TTC7B: variants seen among roughly 807,000 people sequenced by gnomAD.
TTC7B encodes the protein tetratricopeptide repeat protein 7B.
In TTC7B, 28 loss-of-function variants were observed where a neutral mutation model predicts 106.8. That is an observed-to-expected ratio of 0.26 (90% confidence interval 0.19 to 0.36). TTC7B has a LOEUF of 0.36. Among genes scored for constraint, TTC7B ranks in the 10% least tolerant of loss-of-function variants. The pLI is 1.00. For missense variants in TTC7B, 862 were observed against 1,076.4 expected, an observed-to-expected ratio of 0.80 and a Z score of 2.79; for synonymous variants, 405 against 430.6, an observed-to-expected ratio of 0.94 and a Z score of 0.74.
intron 5 of TTC7B, among the ~76,000 whole-genome samples, chr14:90,705,439 G>A (rs1418723244): frequency 1.3e-5 from 2 of 152,144 alleles, no homozygotes; most frequent in African/African-American, 2.4e-5. Flanking sequence ...GAGGGGCTGA[G>A]CCAGGACCTG....
intron 19 of TTC7B, among the ~76,000 whole-genome samples, chr14:90,565,591 G>A (rs1047383784): frequency 6.6e-6 from 1 of 151,854 alleles, no homozygotes; most frequent in African/African-American, 2.4e-5. Flanking sequence ...TAGTAGAGAT[G>A]GGGTTTCACT....
intron 19 of TTC7B, among the ~76,000 whole-genome samples, chr14:90,574,160 G>A (rs1382637140): frequency 6.6e-6 from 1 of 152,198 alleles, no homozygotes; most frequent in Non-Finnish European, 1.5e-5. Context: ...TGGAATAACT[G>A]CTTTGGAAAA....
At chr14:90,760,370 C>A (rs552229616) in intron 3 of TTC7B, among the ~76,000 whole-genome samples, 2 of 152,140 alleles carry the variant, frequency 1.3e-5, no homozygotes, top group African/African-American at 4.8e-5. Flanking sequence ...GCATGCCATA[C>A]CTAGACCTGC....
chr14:90,630,408 G>A (rs1013380075), intron 15 of TTC7B, among the ~76,000 whole-genome samples: 12 of 152,270 alleles, frequency 7.9e-5, no homozygotes, highest in East Asian at 1.9e-4. Flanking sequence ...TGTCATCTAC[G>A]AATGCTGGAA....
In TTC7B at chr14:90,663,277, A is replaced by G. The variant is rs1174713227; in HGVS notation, c.1153-4890T>C. Reference sequence around the variant, plus strand: ...GCTGGGAGTGAAGCGGTCTGCTTCCAGAGACTGAGCTCTTCACCACAACAC... The same window carrying G: ...GCTGGGAGTGAAGCGGTCTGCTTCCGGAGACTGAGCTCTTCACCACAACAC... On this transcript the variant is annotated intron_variant, in intron 9 of 19. Transcript: ENST00000328459. The surrounding 1 kb of genome is among the most constrained non-coding windows in gnomAD (Gnocchi z 4.5). 6.6e-6 allele frequency among the ~76,000 whole-genome samples: 1 copy of G among 152,192 alleles called. No individual in the cohort carries two copies. The highest frequency in any genetic ancestry group is 1.9e-4 in the East Asian group (1 of 5,196).
intron 19 of TTC7B, among the ~76,000 whole-genome samples, chr14:90,560,882 C>T (rs751608574): frequency 1.3e-4 from 20 of 152,286 alleles, no homozygotes; most frequent in Non-Finnish European, 2.1e-4. Flanking sequence ...GATTTGTCAC[C>T]TTTGTGTAAT....
intron 2 of TTC7B, among the ~76,000 whole-genome samples, chr14:90,784,978 A>C (rs1891338094): frequency 6.6e-6 from 1 of 152,186 alleles, no homozygotes; most frequent in Admixed American, 6.5e-5. Flanking sequence ...AAGGTTGCCC[A>C]GGCCCTCCAT....
intron 8 of TTC7B, among the ~76,000 whole-genome samples, chr14:90,678,737 A>G (rs1040807103): frequency 4.6e-5 from 7 of 152,222 alleles, no homozygotes; most frequent in Non-Finnish European, 8.8e-5. Context: ...TTCAATTAAG[A>G]AGCAGGAGAG....
intron 18 of TTC7B, among the ~76,000 whole-genome samples, chr14:90,591,142 C>T (rs1471491223): frequency 6.6e-6 from 1 of 152,138 alleles, no homozygotes; most frequent in African/African-American, 2.4e-5. Flanking sequence ...GAGTTCGAGA[C>T]CAAGCCTGGC....
chr14:90,544,990 A>G (rs1393876162), intron 19 of TTC7B, among the ~76,000 whole-genome samples: 3 of 152,148 alleles, frequency 2.0e-5, no homozygotes, highest in Non-Finnish European at 4.4e-5. Flanking sequence ...TTCTTCCTCC[A>G]AGTGGAGGGT....
chr14:90,555,962 G>C (rs541003028), intron 19 of TTC7B, among the ~76,000 whole-genome samples: 140 of 152,354 alleles, frequency 9.2e-4, no homozygotes, highest in Non-Finnish European at 1.2e-3. Flanking sequence ...GGTGCCCCGG[G>C]GTCCACATGA....
chr14:90,669,195 C>T (rs1261097276), intron 9 of TTC7B, among the ~76,000 whole-genome samples: 1 of 151,942 alleles, frequency 6.6e-6, no homozygotes, highest in African/African-American at 2.4e-5. Context: ...CTACCTCACA[C>T]CATATACAAA....
chr14:90,689,309 C>CA (rs1887372540), intron 7 of TTC7B, among the ~76,000 whole-genome samples: 1 of 152,188 alleles, frequency 6.6e-6, no homozygotes, highest in Admixed American at 6.5e-5. Context: ...AAATGGCACC[C>CA]AAGCACTGAG....
intron 7 of TTC7B, among the ~76,000 whole-genome samples, chr14:90,681,541 G>A (rs1471091124): frequency 2.6e-5 from 4 of 151,872 alleles, no homozygotes; most frequent in Non-Finnish European, 5.9e-5. Context: ...TCTTTGAAGT[G>A]CTGGCAATTT....
At chr14:90,641,141 T>A (rs561462646) in intron 15 of TTC7B, among the ~76,000 whole-genome samples, 1 of 152,324 alleles carries the variant, frequency 6.6e-6, no homozygotes, top group Admixed American at 6.5e-5. Flanking sequence ...AGTGACAAAG[T>A]GGCTGAGATG....
intron 5 of TTC7B, among the ~76,000 whole-genome samples, chr14:90,711,468 CT>C (rs1888443485): frequency 6.6e-6 from 1 of 152,220 alleles, no homozygotes; most frequent in Non-Finnish European, 1.5e-5. Flanking sequence ...GTTGCCCAGG[CT>C]GGAGTGCACT....
At chr14:90,649,352 AT>A (rs1310338178) in intron 13 of TTC7B, among the ~76,000 whole-genome samples, 1 of 149,998 alleles carries the variant, frequency 6.7e-6, no homozygotes, top group Non-Finnish European at 1.5e-5. Flanking sequence ...TCTCAAGTAG[AT>A]GCTAAAATAC....
intron 17 of TTC7B, among the ~76,000 whole-genome samples, chr14:90,609,550 T>G (rs1892794303): frequency 6.6e-6 from 1 of 152,210 alleles, no homozygotes; most frequent in African/African-American, 2.4e-5. Flanking sequence ...GACTCAGAGC[T>G]GCTCTCAGGC....
chr14:90,814,210 C>T (rs554002273), intron 1 of TTC7B, among the ~76,000 whole-genome samples: 1 of 152,170 alleles, frequency 6.6e-6, no homozygotes, highest in South Asian at 2.1e-4. Context: ...TTGGGAGCAG[C>T]CCCTGGGAAG....
Sources: gnomAD v4.1 joint callset for allele counts (sites outside exome capture counted in the v4.1 genomes callset) on GRCh38, gnomAD v4.1.1 for gene constraint, Gnocchi (gnomAD v3.1) non-coding constraint, MANE v1.5 for transcripts, NCBI Gene and HGNC (gene_info 2026-07-23, HGNC 2026-07-21) for gene names.